The following TNS1 variants were observed in gnomAD, a reference collection of about 807,000 sequenced individuals.
TNS1 encodes the protein tensin-1.
A neutral mutation model predicts 168.6 loss-of-function variants in TNS1; 62 were observed. The ratio of observed to expected loss-of-function variants is 0.37; its 90% CI spans 0.30 to 0.45. TNS1 has a LOEUF of 0.45. Ranked by LOEUF, TNS1 falls within the 20% of genes least tolerant of loss-of-function variation. The pLI is 1.00. For missense variants in TNS1, 2,240 were observed against 2,339.4 expected (o/e 0.96, Z 0.88); for synonymous variants, 934 against 933.2 (o/e 1.00, Z -0.02).
intron 1 of TNS1, among the ~76,000 whole-genome samples, chr2:218,031,107 T>C (rs886885144): frequency 1.2e-4 from 13 of 108,076 alleles, no homozygotes. Flanking sequence ...TCTGTGTGTA[T>C]GAGTGTGTGT....
intron 18 of TNS1, among the ~76,000 whole-genome samples, chr2:217,874,199 A>C (rs1400622873): frequency 6.6e-6 from 1 of 152,206 alleles, no homozygotes; most frequent in Non-Finnish European, 1.5e-5. Context: ...ATTTGGGGGA[A>C]GGGGAAACAG....
intron 3 of TNS1, among the ~76,000 whole-genome samples, chr2:217,921,164 C>T (rs1444936503): frequency 6.6e-6 from 1 of 152,204 alleles, no homozygotes; most frequent in African/African-American, 2.4e-5. Context: ...ACTGAATGTG[C>T]TCCTTTTTTC....
chr2:217,925,309 C>T (rs556205942), intron 3 of TNS1, among the ~76,000 whole-genome samples: 42 of 152,302 alleles, frequency 2.8e-4, no homozygotes, highest in African/African-American at 9.6e-4. Context: ...AAAACCCAGG[C>T]GTCTGCCTAG....
intron 1 of TNS1, among the ~76,000 whole-genome samples, chr2:218,016,269 C>T (rs1429888281): frequency 2.0e-5 from 3 of 152,114 alleles, no homozygotes; most frequent in Non-Finnish European, 2.9e-5. Context: ...AGCTCCCAGT[C>T]CTGGGATCCA....
chr2:217,848,208 C>A lies in TNS1; in HGVS notation c.2309G>T (p.Arg770Met). The change falls in exon 19 of 33, where the codon AGG becomes ATG. Residue 770 changes from arginine (R) to methionine (M), a missense_variant. Around this residue, in one of 2 missense-constraint regions of TNS1, gnomAD observed 2,131 missense variants for 2,171.2 expected, o/e 0.98. Coordinates refer to ENST00000682258, the MANE Select transcript of TNS1 (RefSeq NM_001387777.1). ...CTGCTGCTGCCACGAATTCAGTCCC[C>A]TTTGCACAGCCTCCCGGCTGCTTCC... ...RGGSSREAVQRGLNSWQQQQQ... is the reference protein window; with the variant it reads ...RGGSSREAVQMGLNSWQQQQQ... 4 of 1,597,152 alleles carry A rather than the reference C, an allele frequency of 2.5e-6. No homozygotes were observed. Among genetic ancestry groups the A allele is most frequent in the Non-Finnish European group, 3.4e-6 (4 of 1,171,994 alleles).
chr2:217,822,340 C>T (rs1942999852), intron 22 of TNS1, among the ~76,000 whole-genome samples: 1 of 152,166 alleles, frequency 6.6e-6, no homozygotes, highest in African/African-American at 2.4e-5. Flanking sequence ...CCCAGAGGTC[C>T]ATCCCTGCCT....
rs61745187 is a variant in TNS1 at position 217,848,079 on chromosome 2, G to A, written c.2438C>T (p.Thr813Ile). The A allele has an allele frequency of 3.9e-4, 608 of 1,548,696 alleles. 5 individuals are homozygous for A. In the African/African-American group the frequency reaches 7.2e-3, roughly 18 times the overall value. ...SRPSPQPLAE[T>I]PIPSLPEFPR... ...GAACTCAGGGAGACTGGGGATGGGG[G>A]TCTCTGCCAATGGCTGAGGGCTGGG... is the stretch of plus-strand genomic sequence containing the variant. The change falls in exon 19 of 33, where the codon ACC becomes ATC. Residue 813 changes from threonine to isoleucine, a missense_variant. Physicochemically the swap from Thr to Ile is moderately conservative, Grantham distance 89. This residue lies in a region of TNS1 where 2,131 missense variants were observed against 2,171.2 expected (regional missense o/e 0.98). Coordinates refer to ENST00000682258, the MANE Select transcript of TNS1 (RefSeq NM_001387777.1).
intron 3 of TNS1, among the ~76,000 whole-genome samples, chr2:217,942,996 A>G (rs1956993242): frequency 6.6e-6 from 1 of 152,188 alleles, no homozygotes; most frequent in East Asian, 1.9e-4. Context: ...TGGGGGACTG[A>G]CACTGAGGTC....
Position 217,893,023 on chromosome 2 carries a change from C to A in TNS1, c.718-11G>T. The A allele has an allele frequency of 6.2e-7, 1 of 1,614,008 alleles. No individual in the cohort carries two copies. Among genetic ancestry groups the A allele is most frequent in the South Asian group, 1.1e-5 (1 of 91,070 alleles). The stretch of plus-strand genomic sequence containing the variant: ...CCTGCCTCGGTTTCCCTGAAAGAGC[C>A]CCAAACACAAAATCATTTATTTCTA... On this transcript the variant is annotated splice_polypyrimidine_tract_variant and intron_variant, in intron 10 of 32. Transcript: ENST00000682258.
intron 24 of TNS1, among the ~76,000 whole-genome samples, chr2:217,816,596 T>G (rs559857346): frequency 5.8e-4 from 88 of 152,282 alleles, no homozygotes; most frequent in African/African-American, 2.0e-3. Flanking sequence ...TGCCGTGGCC[T>G]GTTTAACGAG....
upstream of TNS1, among the ~76,000 whole-genome samples, chr2:218,004,377 C>G (rs13386813): frequency 0.01 from 1,553 of 152,104 alleles, 34 homozygotes; most frequent in African/African-American, 0.035. Flanking sequence ...CTCCCCCCCC[C>G]ACTCACCCAA....
chr2:217,966,338 AAGAG>A (rs910580839), intron 3 of TNS1, among the ~76,000 whole-genome samples: 27 of 148,002 alleles, frequency 1.8e-4, no homozygotes, highest in Non-Finnish European at 3.5e-4. Flanking sequence ...AGGAGACAGC[AAGAG>A]AGAGAGAGAC....
chr2:217,991,496 A>G (rs1006216775), intron 1 of TNS1, among the ~76,000 whole-genome samples: 7 of 151,938 alleles, frequency 4.6e-5, no homozygotes, highest in African/African-American at 2.4e-5. Context: ...GGTTAATACT[A>G]TTGTGGCTTC....
At chr2:217,958,600 C>T (rs1957421995) in intron 3 of TNS1, among the ~76,000 whole-genome samples, 1 of 152,230 alleles carries the variant, frequency 6.6e-6, no homozygotes, top group South Asian at 2.1e-4. Context: ...GTAGACCTAA[C>T]CATGTCCATC....
chr2:218,032,179 A>C lies in TNS1; in HGVS notation c.156+1641T>G, dbSNP rs891737969. Among the ~76,000 whole-genome samples, 14 of 152,218 alleles carry C rather than the reference A, an allele frequency of 9.2e-5. No individual in the cohort carries two copies. Among genetic ancestry groups the C allele is most frequent in the Admixed American group, 3.9e-4 (6 of 15,280 alleles). On this transcript the variant is annotated intron_variant, in intron 1 of 1. Coordinates refer to the TNS1 transcript ENST00000649572. The surrounding 1 kb of genome is among the most constrained non-coding windows in gnomAD (Gnocchi z 4.0). ...TGGGAGGGGCAGGGCCCACAGCTGC[A>C]GGCACTGACAACCCAGAGCTGGACT...
chr2:218,031,455 GTC>G (rs1958899074), intron 1 of TNS1, among the ~76,000 whole-genome samples: 1 of 149,748 alleles, frequency 6.7e-6, no homozygotes. Context: ...GTATGAGCAT[GTC>G]TGTGTGTGTG....
At chr2:217,887,346 T>C (rs1056997458) in intron 12 of TNS1, among the ~76,000 whole-genome samples, 3 of 152,238 alleles carry the variant, frequency 2.0e-5, no homozygotes, top group Admixed American at 6.5e-5. Context: ...TTCACTCTTG[T>C]TGCCCAGGCT....
intron 3 of TNS1, among the ~76,000 whole-genome samples, chr2:217,963,241 T>C (rs1957543257): frequency 6.6e-6 from 1 of 152,018 alleles, no homozygotes; most frequent in African/African-American, 2.4e-5. Context: ...GGAGGAAGAA[T>C]GCAGACCACC....
intron 1 of TNS1, among the ~76,000 whole-genome samples, chr2:218,026,688 G>A (rs900345893): frequency 1.3e-5 from 2 of 152,216 alleles, no homozygotes; most frequent in Non-Finnish European, 2.9e-5. Context: ...CACCCACCGC[G>A]TATGTCAGGA....
Sources: gnomAD v4.1 joint callset for allele counts (sites outside exome capture counted in the v4.1 genomes callset) on GRCh38, gnomAD v4.1.1 for gene constraint, gnomAD v4.1.1 regional missense constraint, Gnocchi (gnomAD v3.1) non-coding constraint, MANE v1.5 for transcripts, NCBI Gene and HGNC (gene_info 2026-07-23, HGNC 2026-07-21) for gene names.